LHFPL3: variants seen among roughly 807,000 people sequenced by gnomAD.
The protein encoded by LHFPL3 is LHFPL tetraspan subfamily member 3, also known as LHFPL tetraspan subfamily member 3 protein.
In LHFPL3, 5 loss-of-function variants were observed where a neutral mutation model predicts 19.3. The ratio of observed to expected loss-of-function variants is 0.26; its 90% CI spans 0.14 to 0.54. LHFPL3 has a LOEUF of 0.54. LHFPL3 is among the 20% of genes least tolerant of loss of function. The pLI is 0.94. For missense variants in LHFPL3, 249 were observed against 307.4 expected (o/e 0.81, Z 1.42); for synonymous variants, 133 against 126.2 (o/e 1.05, Z -0.36).
intron 1 of LHFPL3, among the ~76,000 whole-genome samples, chr7:104,694,079 T>C (rs895985854): frequency 2.0e-5 from 3 of 152,106 alleles, no homozygotes; most frequent in African/African-American, 7.2e-5. Flanking sequence ...AAATAAGGGG[T>C]GTTTTCCTCT....
intron 1 of LHFPL3, among the ~76,000 whole-genome samples, chr7:104,418,497 A>C (rs1364096806): frequency 6.6e-6 from 1 of 152,144 alleles, no homozygotes; most frequent in Non-Finnish European, 1.5e-5. Flanking sequence ...GCACCACTGC[A>C]CTCCAGCCTG....
chr7:104,895,542 G>C (rs532419835), intron 2 of LHFPL3: 1 of 152,544 alleles, frequency 6.6e-6, no homozygotes, highest in Admixed American at 6.5e-5. Flanking sequence ...GGACACTGCA[G>C]AGGTGCAACA....
chr7:104,335,801 C>G (rs1295120097), intron 1 of LHFPL3, among the ~76,000 whole-genome samples: 1 of 147,886 alleles, frequency 6.8e-6, no homozygotes, highest in East Asian at 2.0e-4. Context: ...GATGGCCAGG[C>G]TAGTATATTG....
intron 1 of LHFPL3, among the ~76,000 whole-genome samples, chr7:104,416,609 C>T (rs1240032405): frequency 6.6e-6 from 1 of 152,180 alleles, no homozygotes; most frequent in Non-Finnish European, 1.5e-5. Flanking sequence ...TCTATAGCCT[C>T]TCAGAAAAAC....
intron 2 of LHFPL3, among the ~76,000 whole-genome samples, chr7:104,762,426 A>G (rs1348657589): frequency 6.6e-6 from 1 of 152,200 alleles, no homozygotes; most frequent in Non-Finnish European, 1.5e-5. Context: ...GCAGATGAGA[A>G]ATCTCTACTA....
chr7:104,897,113 G>A (rs971402117), intron 2 of LHFPL3, among the ~76,000 whole-genome samples: 1 of 151,896 alleles, frequency 6.6e-6, no homozygotes, highest in Non-Finnish European at 1.5e-5. Context: ...TTAAGCTGAA[G>A]AACAATCTAT....
chr7:104,412,822 A>G (rs1328837909), intron 1 of LHFPL3, among the ~76,000 whole-genome samples: 1 of 152,176 alleles, frequency 6.6e-6, no homozygotes, highest in Non-Finnish European at 1.5e-5. Flanking sequence ...TACCATAAGC[A>G]ATCCTAGATA....
chr7:104,564,728 T>A (rs1790085358), intron 1 of LHFPL3, among the ~76,000 whole-genome samples: 1 of 152,186 alleles, frequency 6.6e-6, no homozygotes, highest in Non-Finnish European at 1.5e-5. Context: ...TAGCTCAGGA[T>A]GGGCCCATTT....
chr7:104,604,382 G>A lies in LHFPL3; in HGVS notation c.446-132293G>A, dbSNP rs374778846. Among the ~76,000 whole-genome samples, 7 of 152,178 alleles carry A rather than the reference G, an allele frequency of 4.6e-5. No individual in the cohort carries two copies. In the East Asian group the frequency reaches 5.8e-4, roughly 13 times the overall value. On this transcript the variant is annotated intron_variant, in intron 1 of 2. Coordinates refer to ENST00000424859, the MANE Select transcript of LHFPL3 (RefSeq NM_199000.3). ...CCCAAAACTATTCTGCCCCGCTAGA[G>A]CTCTGGGCCTGTGATGGGAGGGGCA... is the stretch of plus-strand genomic sequence containing the variant.
At chr7:104,652,436 A>G (rs75626731) in intron 1 of LHFPL3, among the ~76,000 whole-genome samples, 4,116 of 152,278 alleles carry the variant, frequency 0.027, 80 homozygotes, top group Non-Finnish European at 0.041. Context: ...ATAGTTGTAC[A>G]TATTTTGGGG....
chr7:104,365,906 G>A (rs1790488149), intron 1 of LHFPL3, among the ~76,000 whole-genome samples: 1 of 152,122 alleles, frequency 6.6e-6, no homozygotes, highest in Admixed American at 6.6e-5. Flanking sequence ...ACAAATGTGT[G>A]AGGAATAGAA....
At chr7:104,683,554 C>A (rs1183836675) in intron 1 of LHFPL3, among the ~76,000 whole-genome samples, 1 of 151,808 alleles carries the variant, frequency 6.6e-6, no homozygotes, top group Non-Finnish European at 1.5e-5. Context: ...TTGATTCCCC[C>A]CAAAATAAAT....
At chr7:104,513,264 G>A (rs1441490201) in intron 1 of LHFPL3, among the ~76,000 whole-genome samples, 1 of 152,128 alleles carries the variant, frequency 6.6e-6, no homozygotes, top group Non-Finnish European at 1.5e-5. Context: ...TGGTAGGGGT[G>A]GGGTGAGAAC....
chr7:104,342,789 GTGTC>G (rs1444153195), intron 1 of LHFPL3, among the ~76,000 whole-genome samples: 3 of 152,134 alleles, frequency 2.0e-5, no homozygotes, highest in Admixed American at 6.5e-5. Flanking sequence ...ACCCACTAAA[GTGTC>G]TGTGTGTGAA....
intron 2 of LHFPL3, among the ~76,000 whole-genome samples, chr7:104,847,979 A>T (rs1791342301): frequency 6.6e-6 from 1 of 152,212 alleles, no homozygotes; most frequent in Non-Finnish European, 1.5e-5. Flanking sequence ...ATCTGGTGGG[A>T]GGAGCAGGAC....
intron 2 of LHFPL3, among the ~76,000 whole-genome samples, chr7:104,754,514 T>C (rs1438200923): frequency 1.3e-5 from 2 of 152,224 alleles, no homozygotes; most frequent in Non-Finnish European, 2.9e-5. Context: ...AGCAAATCAT[T>C]TGATGACTCT....
At chr7:104,636,948 G>A (rs1791739680) in intron 1 of LHFPL3, among the ~76,000 whole-genome samples, 1 of 152,112 alleles carries the variant, frequency 6.6e-6, no homozygotes, top group African/African-American at 2.4e-5. Context: ...TTAGCTCTTT[G>A]AAGAATTGCC....
chr7:104,898,915 G>A (rs566483017), intron 2 of LHFPL3, among the ~76,000 whole-genome samples: 2 of 151,992 alleles, frequency 1.3e-5, no homozygotes, highest in African/African-American at 4.8e-5. Flanking sequence ...CCAGGAGTTC[G>A]AGACCAGCCT....
At chr7:104,550,126 C>T (rs1794640744) in intron 1 of LHFPL3, among the ~76,000 whole-genome samples, 1 of 152,048 alleles carries the variant, frequency 6.6e-6, no homozygotes, top group African/African-American at 2.4e-5. Flanking sequence ...ACCCTTTTTG[C>T]TTGGAGAAGG....
Sources: gnomAD v4.1 joint callset for allele counts (sites outside exome capture counted in the v4.1 genomes callset) on GRCh38, gnomAD v4.1.1 for gene constraint, MANE v1.5 for transcripts, NCBI Gene and HGNC (gene_info 2026-07-23, HGNC 2026-07-21) for gene names.